The following PECR variants were observed in gnomAD, a reference collection of about 807,000 sequenced individuals.
PECR encodes peroxisomal trans-2-enoyl-CoA reductase, also known as 2,4-dienoyl-CoA reductase-related protein.
Under a neutral mutation model 35.3 loss-of-function variants are expected in PECR, and 30 were observed. The ratio of observed to expected loss-of-function variants is 0.85; its 90% CI spans 0.64 to 1.15. The LOEUF is 1.15. Among genes scored for constraint, PECR ranks in the 50% most tolerant of loss-of-function variants. The pLI is 0.00. For missense variants in PECR, 392 were observed against 370.8 expected (o/e 1.06, Z -0.47); for synonymous variants, 148 against 138.9 (o/e 1.07, Z -0.46).
At position 216,066,566 on chromosome 2, in the gene PECR, C is replaced by G. The variant is rs201967593; in HGVS notation, c.125-48G>C. 1.2e-3 allele frequency: 1,935 copies of G among 1,569,518 alleles called. 4 individuals carry two copies. The highest frequency in any genetic ancestry group is 1.5e-3 in the Non-Finnish European group (1,730 of 1,142,286). On this transcript the variant is annotated intron_variant, in intron 1 of 7. Transcript: ENST00000265322. ...CAAATAAATATGCCTTCATGGGATGCAATGACCACATTACACCTTGAAAAG... is the reference window on the plus strand; with the variant it reads ...CAAATAAATATGCCTTCATGGGATGGAATGACCACATTACACCTTGAAAAG...
chr2:216,080,473 TACTCA>T (rs1316686584), intron 1 of PECR, among the ~76,000 whole-genome samples: 1 of 152,224 alleles, frequency 6.6e-6, no homozygotes, highest in South Asian at 2.1e-4. Flanking sequence ...ATTTTTTCAC[TACTCA>T]AGACTACATC....
intron 1 of PECR, among the ~76,000 whole-genome samples, chr2:216,074,955 A>G (rs1200021879): frequency 6.6e-6 from 1 of 152,206 alleles, no homozygotes; most frequent in Non-Finnish European, 1.5e-5. Flanking sequence ...CTTTAAAATG[A>G]ATGAGATATG....
chr2:216,066,286 A>G lies in PECR; in HGVS notation c.258+99T>C, dbSNP rs1006912148. 4.0e-6 allele frequency: 4 copies of G among 999,194 alleles called. No homozygotes were observed. The African/African-American group carries it at 6.3e-5, about 16-fold the overall frequency. The allele number at this position is 999,194 out of a possible 1,614,324, so 61.9% of individuals were successfully genotyped here. On this transcript the variant is annotated intron_variant, in intron 2 of 7. Transcript: ENST00000265322. Reference sequence around the variant, plus strand: ...CTCTGCTTCTAGTGAGCCTCATCTAAGACAGCTACAATAGGAGAACCTGAA... The same window carrying G: ...CTCTGCTTCTAGTGAGCCTCATCTAGGACAGCTACAATAGGAGAACCTGAA...
chr2:216,045,043 A>G (rs1482794258), intron 6 of PECR, among the ~76,000 whole-genome samples: 2 of 152,206 alleles, frequency 1.3e-5, no homozygotes, highest in Admixed American at 6.5e-5. Flanking sequence ...GGGTGAGGCA[A>G]ATAAGGTGTC....
At chr2:216,035,315 G>A (rs1694776134), downstream of PECR, among the ~76,000 whole-genome samples, 1 of 152,090 alleles carries the variant, frequency 6.6e-6, no homozygotes, top group Non-Finnish European at 1.5e-5. Context: ...TGCATCAGAG[G>A]CCTCTGGTAG....
In PECR at chr2:216,077,019, G is replaced by A. The variant is rs549001671; in HGVS notation, c.124+4599C>T. ...CGGGTTCAGCGATTCTCCTGCCTCA[G>A]CCTCCGAGTAATTGGGATTACACGC... On this transcript the variant is annotated intron_variant, in intron 1 of 7. Coordinates refer to ENST00000265322, the MANE Select transcript of PECR (RefSeq NM_018441.6). Among the ~76,000 whole-genome samples, 4 of 149,420 alleles carry A rather than the reference G, an allele frequency of 2.7e-5. 1 individual carries two copies. The South Asian group carries it at 8.4e-4, about 31-fold the overall frequency.
chr2:216,066,897 G>C (rs115256137), intron 1 of PECR, among the ~76,000 whole-genome samples: 1,824 of 152,184 alleles, frequency 0.012, 37 homozygotes, highest in African/African-American at 0.04. Flanking sequence ...TAGGATTTTT[G>C]CTTCTGGACA....
chr2:216,054,770 T>C (rs1438605956), intron 4 of PECR, among the ~76,000 whole-genome samples: 3 of 152,204 alleles, frequency 2.0e-5, no homozygotes, highest in African/African-American at 4.8e-5. Context: ...CAGTCATAGA[T>C]GTTGTAAATT....
Position 216,069,557 on chromosome 2 carries a change from A to G in PECR, c.125-3039T>C, listed in dbSNP as rs1022316900. Among the ~76,000 whole-genome samples, 4 of 152,222 alleles carry G rather than the reference A, an allele frequency of 2.6e-5. No individual in the cohort carries two copies. The East Asian group carries it at 7.7e-4, about 29-fold the overall frequency. ...AAAGCCAAAAGATCTTACTGAAGGC[A>G]AACTTAACATCATGAGGAAAGTGCC... On this transcript the variant is annotated intron_variant, in intron 1 of 7. Coordinates refer to ENST00000265322, the MANE Select transcript of PECR (RefSeq NM_018441.6).
intron 1 of PECR, among the ~76,000 whole-genome samples, chr2:216,073,459 T>C (rs1327964450): frequency 6.6e-6 from 1 of 152,164 alleles, no homozygotes; most frequent in African/African-American, 2.4e-5. Flanking sequence ...TCTACAATAG[T>C]AAACAATAAT....
chr2:216,044,380 A>ATC (rs1694953365), intron 6 of PECR, among the ~76,000 whole-genome samples: 1 of 152,188 alleles, frequency 6.6e-6, no homozygotes, highest in South Asian at 2.1e-4. Flanking sequence ...TGTCCTCCAC[A>ATC]ACCCCATTTT....
At chr2:216,059,065 T>C (rs903565070) in intron 3 of PECR, 89 bp from the exon 4 acceptor site, 4 of 797,928 alleles carry the variant, frequency 5.0e-6, no homozygotes, top group East Asian at 5.0e-5. Flanking sequence ...CTGTTTGATA[T>C]GTTTTACACG....
intron 6 of PECR, among the ~76,000 whole-genome samples, chr2:216,044,265 C>T (rs1378542158): frequency 2.0e-5 from 3 of 152,152 alleles, no homozygotes; most frequent in East Asian, 1.9e-4. Flanking sequence ...GAGCCTTAGA[C>T]GATGTCAAGC....
chr2:216,069,399 G>C (rs1695541787), intron 1 of PECR, among the ~76,000 whole-genome samples: 1 of 152,136 alleles, frequency 6.6e-6, no homozygotes, highest in Non-Finnish European at 1.5e-5. Flanking sequence ...GATCTAAGGG[G>C]GGACTGGCCA....
chr2:216,053,819 T>C (rs1305565829), intron 4 of PECR, among the ~76,000 whole-genome samples: 1 of 152,142 alleles, frequency 6.6e-6, no homozygotes, highest in Non-Finnish European at 1.5e-5. Flanking sequence ...CTAGCTTCCC[T>C]AAAAAATGGA....
At chr2:216,052,684 T>TG (rs1695139733) in intron 4 of PECR, among the ~76,000 whole-genome samples, 8 of 152,286 alleles carry the variant, frequency 5.3e-5, no homozygotes, top group Non-Finnish European at 8.8e-5. Context: ...TTGTACACTT[T>TG]TCTTCATGTT....
At chr2:216,075,457 C>T (rs1695679805) in intron 1 of PECR, among the ~76,000 whole-genome samples, 1 of 152,208 alleles carries the variant, frequency 6.6e-6, no homozygotes, top group Non-Finnish European at 1.5e-5. Context: ...ATGGGTAAAG[C>T]TCATTTTTTT....
intron 3 of PECR, 134 bp downstream of exon 3, chr2:216,065,178 A>C (rs2105961633): frequency 1.3e-6 from 1 of 765,748 alleles, no homozygotes; most frequent in Non-Finnish European, 2.4e-6. Flanking sequence ...AAATGTACCA[A>C]TTTACATTCC....
chr2:216,043,866 G>T, intron 7 of PECR, 38 bp downstream of exon 7: 3 of 1,051,458 alleles, frequency 2.9e-6, no homozygotes, highest in Non-Finnish European at 4.5e-6. Context: ...ACATGACACA[G>T]CATAAAGCTG....
Sources: gnomAD v4.1 joint callset for allele counts (sites outside exome capture counted in the v4.1 genomes callset) on GRCh38, gnomAD v4.1.1 for gene constraint, MANE v1.5 for transcripts, NCBI Gene and HGNC (gene_info 2026-07-23, HGNC 2026-07-21) for gene names.